Variants in NKAIN2 observed in about 807,000 individuals in gnomAD.
NKAIN2 encodes sodium/potassium-transporting ATPase subunit beta-1-interacting protein 2.
Under a neutral mutation model 32.6 loss-of-function variants are expected in NKAIN2, and 14 were observed. The observed-to-expected ratio is 0.43, with a 90% CI of 0.28 to 0.67. The LOEUF (loss-of-function observed/expected upper bound fraction) is 0.67, where lower values mean the gene tolerates loss of function less well. NKAIN2 is among the 30% of genes least tolerant of loss of function. The probability of loss-of-function intolerance (pLI) is 0.17; values close to 1 mark genes in which losing one functional copy is unlikely to be tolerated. For synonymous variants in NKAIN2, 80 were observed against 87.2 expected, an observed-to-expected ratio of 0.92 and a Z score of 0.46; for missense variants, 198 against 258.3, an observed-to-expected ratio of 0.77 and a Z score of 1.60.
chr6:124,564,322 A>C (rs1207292067), intron 3 of NKAIN2, among the ~76,000 whole-genome samples: 1 of 152,192 alleles, frequency 6.6e-6, no homozygotes, highest in East Asian at 1.9e-4. Context: ...TGTGTCTAGT[A>C]AAGGATTATA....
chr6:124,783,579 C>T (rs564323094), intron 4 of NKAIN2, among the ~76,000 whole-genome samples: 10 of 152,190 alleles, frequency 6.6e-5, no homozygotes, highest in Non-Finnish European at 1.2e-4. Flanking sequence ...CTGGATTACT[C>T]GTAGCAGAGA....
At chr6:124,314,553 C>A (rs1338461940) in intron 2 of NKAIN2, among the ~76,000 whole-genome samples, 1 of 152,136 alleles carries the variant, frequency 6.6e-6, no homozygotes, top group African/African-American at 2.4e-5. Flanking sequence ...AGCCTGGGCT[C>A]CTCCTACAAA....
intron 1 of NKAIN2, among the ~76,000 whole-genome samples, chr6:123,883,882 G>A (rs1382394694): frequency 3.0e-5 from 3 of 99,714 alleles, no homozygotes; most frequent in East Asian, 3.0e-4. Context: ...GCGACAGAGC[G>A]AGACTCTGTC....
At chr6:123,806,616 G>A (rs565508276) in intron 1 of NKAIN2, among the ~76,000 whole-genome samples, 137 of 152,168 alleles carry the variant, frequency 9.0e-4, no homozygotes, top group Non-Finnish European at 1.7e-3. Context: ...GCTATTATGA[G>A]TAGATTGTTT....
chr6:124,296,375 T>C (rs1916791), intron 2 of NKAIN2, among the ~76,000 whole-genome samples: 52,337 of 152,004 alleles, frequency 0.34, 13,948 homozygotes, highest in African/African-American at 0.75. Context: ...TCGATAGTTA[T>C]GGAAATTATT....
At chr6:124,438,198 C>T (rs1040366705) in intron 3 of NKAIN2, among the ~76,000 whole-genome samples, 3 of 152,060 alleles carry the variant, frequency 2.0e-5, no homozygotes, top group South Asian at 2.1e-4. Context: ...TGATAATCAG[C>T]GTCAAGCTGC....
At chr6:124,125,955 G>T (rs558582740) in intron 1 of NKAIN2, among the ~76,000 whole-genome samples, 1 of 151,846 alleles carries the variant, frequency 6.6e-6, no homozygotes, top group Non-Finnish European at 1.5e-5. Flanking sequence ...GAAGTGTTTC[G>T]CTCTTGGCTC....
intron 4 of NKAIN2, among the ~76,000 whole-genome samples, chr6:124,715,157 C>G (rs142334171): frequency 6.5e-4 from 99 of 152,324 alleles, no homozygotes; most frequent in South Asian, 1.2e-3. Context: ...TCCATTTTCT[C>G]TTCTAGCCAG....
intron 2 of NKAIN2, among the ~76,000 whole-genome samples, chr6:124,308,914 CCATTGTAACAACA>C (rs1436443858): frequency 2.0e-5 from 3 of 152,018 alleles, no homozygotes; most frequent in Admixed American, 2.0e-4. Context: ...ACAGTTAAAC[CCATTGTAACAACA>C]CAGTCTACAA....
intron 1 of NKAIN2, among the ~76,000 whole-genome samples, chr6:123,849,634 G>A (rs969478663): frequency 2.6e-5 from 4 of 152,068 alleles, no homozygotes; most frequent in Admixed American, 1.3e-4. Flanking sequence ...GCAACTTTGC[G>A]ACAAGGAGCT....
chr6:124,686,866 G>T (rs1338029325), intron 4 of NKAIN2, among the ~76,000 whole-genome samples: 1 of 152,078 alleles, frequency 6.6e-6, no homozygotes. Flanking sequence ...TCAGTGGGCT[G>T]GGAAAGGCAG....
At chr6:124,161,984 A>G (rs1788302734) in intron 1 of NKAIN2, among the ~76,000 whole-genome samples, 1 of 152,190 alleles carries the variant, frequency 6.6e-6, no homozygotes, top group Non-Finnish European at 1.5e-5. Flanking sequence ...ATAATGAAAA[A>G]TAAAATAAGA....
rs141840682 is a variant in NKAIN2 at position 124,559,362 on chromosome 6, A to G, written c.274-98824A>G. Among the ~76,000 whole-genome samples the G allele has an allele frequency of 2.0e-3, 308 of 152,296 alleles. 2 individuals carry two copies. Among genetic ancestry groups the G allele is most frequent in the African/African-American group, 7.2e-3 (298 of 41,568 alleles). On this transcript the variant is annotated intron_variant, in intron 3 of 6. Transcript: ENST00000368417. ...GCTTTTAGCTGAGTTTTGAGTGGAC[A>G]TACAAGTTGTCTCAAAGAAGTGACG...
chr6:124,384,070 T>G (rs1225743412), intron 3 of NKAIN2, among the ~76,000 whole-genome samples: 1 of 152,154 alleles, frequency 6.6e-6, no homozygotes, highest in Non-Finnish European at 1.5e-5. Flanking sequence ...TATTAGCCAT[T>G]CTCTAGGAAC....
At chr6:124,716,634 C>G (rs910675780) in intron 4 of NKAIN2, among the ~76,000 whole-genome samples, 1 of 152,152 alleles carries the variant, frequency 6.6e-6, no homozygotes, top group African/African-American at 2.4e-5. Context: ...CCTCTAACCA[C>G]TTTTTCTTGA....
At chr6:124,262,362 T>G (rs1794293786) in intron 1 of NKAIN2, among the ~76,000 whole-genome samples, 1 of 152,158 alleles carries the variant, frequency 6.6e-6, no homozygotes, top group Non-Finnish European at 1.5e-5. Context: ...AAGTTTAATC[T>G]GAGATTTAGA....
intron 3 of NKAIN2, among the ~76,000 whole-genome samples, chr6:124,635,275 T>C (rs1248849096): frequency 1.3e-5 from 2 of 151,878 alleles, no homozygotes; most frequent in African/African-American, 4.8e-5. Flanking sequence ...ATATCTATCA[T>C]TATGAAAACA....
At chr6:124,811,161 T>C (rs1780890207) in intron 5 of NKAIN2, among the ~76,000 whole-genome samples, 1 of 152,208 alleles carries the variant, frequency 6.6e-6, no homozygotes, top group African/African-American at 2.4e-5. Flanking sequence ...ATAGGCCCTG[T>C]TAATTTCCTT....
chr6:124,625,700 CTTTA>C (rs144587539), intron 3 of NKAIN2, among the ~76,000 whole-genome samples: 80,696 of 122,310 alleles, frequency 0.66, 22,050 homozygotes, highest in Middle Eastern at 0.75. Context: ...GCTGAAGATG[CTTTA>C]TTTATTTATT....
Sources: allele counts gnomAD v4.1 joint callset (sites outside exome capture counted in the v4.1 genomes callset), GRCh38; gene constraint gnomAD v4.1.1; transcripts MANE v1.5; gene names NCBI Gene and HGNC (gene_info 2026-07-23, HGNC 2026-07-21).